The following WWOX variants were observed in gnomAD, a reference collection of about 807,000 sequenced individuals.
WWOX encodes WW domain-containing oxidoreductase.
In WWOX, 69 loss-of-function variants were observed where a neutral mutation model predicts 46.2. The ratio of observed to expected loss-of-function variants is 1.49; its 90% confidence interval spans 1.23 to 1.82. The LOEUF (loss-of-function observed/expected upper bound fraction) is 1.82. Among genes scored for constraint, WWOX ranks in the 40% most tolerant of loss-of-function variants. The pLI, the probability that WWOX is intolerant of heterozygous loss-of-function variation, is 0.00. For synonymous variants in WWOX, 359 were observed against 202.6 expected, an observed-to-expected ratio of 1.77 and a Z score of -6.56; for missense variants, 919 against 542.6, an observed-to-expected ratio of 1.69 and a Z score of -6.89.
At chr16:78,691,700 C>T (rs761526477) in intron 8 of WWOX, among the ~76,000 whole-genome samples, 5 of 152,038 alleles carry the variant, frequency 3.3e-5, no homozygotes, top group Non-Finnish European at 7.4e-5. Flanking sequence ...AGGACAAGAC[C>T]GTGTCTCCAA....
chr16:78,421,390 C>G (rs1005365754), intron 6 of WWOX, among the ~76,000 whole-genome samples: 1 of 152,146 alleles, frequency 6.6e-6, no homozygotes, highest in African/African-American at 2.4e-5. Context: ...CTTTCCATCT[C>G]CTTCTCTGTG....
chr16:79,080,952 G>C (rs1425028965), intron 8 of WWOX, among the ~76,000 whole-genome samples: 3 of 152,156 alleles, frequency 2.0e-5, no homozygotes, highest in Admixed American at 1.3e-4. Flanking sequence ...TTCTTCTAGT[G>C]TAGTTAGATA....
intron 8 of WWOX, among the ~76,000 whole-genome samples, chr16:78,964,757 C>T (rs1411326795): frequency 1.3e-5 from 2 of 152,206 alleles, no homozygotes; most frequent in Non-Finnish European, 2.9e-5. Context: ...CTATCAGAGG[C>T]CTGAAGTCCC....
intron 5 of WWOX, among the ~76,000 whole-genome samples, chr16:78,330,786 C>G (rs1040031778): frequency 6.6e-6 from 1 of 152,206 alleles, no homozygotes; most frequent in Non-Finnish European, 1.5e-5. Context: ...TTCAGTCACC[C>G]TCAAAGGGGA....
At chr16:79,116,480 G>A (rs1268839241) in intron 8 of WWOX, among the ~76,000 whole-genome samples, 3 of 152,090 alleles carry the variant, frequency 2.0e-5, no homozygotes, top group East Asian at 1.9e-4. Context: ...TTCAGTGTTC[G>A]CCTTCAGGAA....
chr16:79,074,458 A>G (rs530777840), intron 8 of WWOX, among the ~76,000 whole-genome samples: 61 of 36,972 alleles, frequency 1.6e-3, no homozygotes, highest in Non-Finnish European at 2.6e-3. Flanking sequence ...TATTTTCTCC[A>G]TTTGGAGAGG....
chr16:78,338,525 T>G lies in WWOX; in HGVS notation c.517-48335T>G, dbSNP rs916624394. Among the ~76,000 whole-genome samples, 84 of 121,652 alleles carry G rather than the reference T, an allele frequency of 6.9e-4. 26 individuals are homozygous for G. The highest frequency in any genetic ancestry group is 1.6e-3 in the Admixed American group (20 of 12,512). 79.8% of individuals were successfully genotyped at this position (121,652 alleles called of 152,430 possible). On this transcript the variant is annotated intron_variant, in intron 5 of 8. Coordinates refer to ENST00000566780, the MANE Select transcript of WWOX (RefSeq NM_016373.4). The stretch of plus-strand genomic sequence containing the variant: ...ATAAAATATTCTTACAGAGAGAAAT[T>G]CTGTAGTTTCCACAAGTAACCAGAG...
chr16:78,959,995 A>G (rs1048263359), intron 8 of WWOX, among the ~76,000 whole-genome samples: 2 of 152,200 alleles, frequency 1.3e-5, no homozygotes, highest in Non-Finnish European at 2.9e-5. Context: ...CTGGTTAACT[A>G]AAGGAAATAC....
At chr16:78,815,272 C>T (rs111610125) in intron 8 of WWOX, among the ~76,000 whole-genome samples, 21,819 of 151,512 alleles carry the variant, frequency 0.14, 1,747 homozygotes, top group Non-Finnish European at 0.18. Context: ...TTGCAGTGAG[C>T]CAAGATTGTG....
intron 8 of WWOX, among the ~76,000 whole-genome samples, chr16:79,061,169 C>G (rs184176500): frequency 6.6e-6 from 1 of 152,156 alleles, no homozygotes; most frequent in African/African-American, 2.4e-5. Context: ...ATAACCAGAT[C>G]TCATTTTGTG....
At chr16:78,378,129 C>T (rs1480658378) in intron 5 of WWOX, among the ~76,000 whole-genome samples, 3 of 150,636 alleles carry the variant, frequency 2.0e-5, no homozygotes, top group Admixed American at 6.6e-5. Context: ...CTGCCCCCTG[C>T]CTAAAAAAAA....
At chr16:78,432,362 T>C in intron 7 of WWOX, 126 bp from the exon 8 acceptor site, 1 of 1,315,716 alleles carries the variant, frequency 7.6e-7, no homozygotes, top group Non-Finnish European at 1.1e-6. Flanking sequence ...CGTCTAAGAC[T>C]CCCAAAGTGC....
intron 8 of WWOX, among the ~76,000 whole-genome samples, chr16:79,093,762 C>T (rs1312833730): frequency 6.6e-6 from 1 of 152,200 alleles, no homozygotes; most frequent in Non-Finnish European, 1.5e-5. Context: ...TCCTCTTCTC[C>T]AATCATTGAT....
At position 78,136,085 on chromosome 16, in the gene WWOX, A is replaced by G. The variant is rs534499852; in HGVS notation, c.409+20931A>G. ...TTTGATGAATCTATTTATTACTTCT[A>G]TAATGAGTAGTACACATGGTTGGTT... On this transcript the variant is annotated intron_variant, in intron 4 of 8. Transcript: ENST00000566780. Among the ~76,000 whole-genome samples, 8 of 152,302 alleles carry G rather than the reference A, an allele frequency of 5.3e-5. No homozygotes were observed. In the South Asian group the frequency reaches 1.7e-3, roughly 32 times the overall value.
chr16:78,934,132 G>A (rs899401165), intron 8 of WWOX, among the ~76,000 whole-genome samples: 3 of 151,788 alleles, frequency 2.0e-5, no homozygotes, highest in Admixed American at 6.6e-5. Context: ...TCAGGAGATG[G>A]AGACCATCCT....
chr16:78,590,144 C>T (rs1022367929), intron 8 of WWOX, among the ~76,000 whole-genome samples: 2 of 62,112 alleles, frequency 3.2e-5, no homozygotes, highest in Admixed American at 4.5e-4. Context: ...ATTAGGCATT[C>T]AGTCTCTCTC....
intron 8 of WWOX, among the ~76,000 whole-genome samples, chr16:78,809,928 A>C (rs755936486): frequency 6.6e-6 from 1 of 152,170 alleles, no homozygotes; most frequent in Non-Finnish European, 1.5e-5. Context: ...TCACCTTCTC[A>C]AAGCAAAGTC....
chr16:78,393,711 C>T (rs990944661), intron 6 of WWOX, among the ~76,000 whole-genome samples: 3 of 152,028 alleles, frequency 2.0e-5, no homozygotes, highest in Non-Finnish European at 2.9e-5. Flanking sequence ...TACCCAAGTC[C>T]AAACATTTTT....
At chr16:78,121,442 ATAT>A (rs1446108253) in intron 4 of WWOX, among the ~76,000 whole-genome samples, 1 of 152,140 alleles carries the variant, frequency 6.6e-6, no homozygotes, top group African/African-American at 2.4e-5. Context: ...TTACACTGAG[ATAT>A]TATTGGACAT....
Sources: allele counts gnomAD v4.1 joint callset (sites outside exome capture counted in the v4.1 genomes callset), GRCh38; gene constraint gnomAD v4.1.1; transcripts MANE v1.5; gene names NCBI Gene and HGNC (gene_info 2026-07-23, HGNC 2026-07-21).